Variants in ZNF804A observed in about 807,000 individuals in gnomAD.
ZNF804A encodes zinc finger protein 804A.
Under a neutral mutation model 16.5 loss-of-function variants are expected in ZNF804A, and 2 were observed. The observed-to-expected ratio is 0.12, with a 90% CI of 0.05 to 0.38. The LOEUF (loss-of-function observed/expected upper bound fraction) is 0.38, where lower values mean the gene tolerates loss of function less well. ZNF804A is among the 10% of genes least tolerant of loss of function. The pLI is 0.99. For synonymous variants in ZNF804A, 534 were observed against 489.6 expected, an observed-to-expected ratio of 1.09 and a Z score of -1.20; for missense variants, 1,473 against 1,390.7, an observed-to-expected ratio of 1.06 and a Z score of -0.94.
chr2:184,905,708 A>G (rs541529876), intron 2 of ZNF804A, among the ~76,000 whole-genome samples: 4 of 152,282 alleles, frequency 2.6e-5, no homozygotes, highest in African/African-American at 9.6e-5. Context: ...TATGAGTACA[A>G]TGTGTCTACA....
At chr2:184,721,885 C>T (rs930343465) in intron 1 of ZNF804A, among the ~76,000 whole-genome samples, 4 of 151,932 alleles carry the variant, frequency 2.6e-5, no homozygotes, top group African/African-American at 7.3e-5. Context: ...GATATATATA[C>T]ACAATGGAAT....
intron 1 of ZNF804A, among the ~76,000 whole-genome samples, chr2:184,655,526 C>T (rs1291165229): frequency 1.3e-5 from 2 of 152,136 alleles, no homozygotes; most frequent in Non-Finnish European, 2.9e-5. Context: ...TTAGAATTAA[C>T]TTGGGTCTGT....
At chr2:184,927,142 T>G (rs1685624823) in intron 2 of ZNF804A, among the ~76,000 whole-genome samples, 1 of 152,246 alleles carries the variant, frequency 6.6e-6, no homozygotes, top group Non-Finnish European at 1.5e-5. Flanking sequence ...TACTTATACT[T>G]TTAGAAGGTT....
Position 184,938,731 on chromosome 2 carries a change from C to T in ZNF804A, c.3335C>T (p.Ala1112Val). 6.2e-7 allele frequency: 1 copy of T among 1,608,004 alleles called. No homozygotes were observed. The highest frequency in any genetic ancestry group is 1.7e-5 in the Admixed American group (1 of 59,594). ...CAGCAGCACGCTGCAGCTGCTGCAG[C>T]TGCAGCTGCAGCCGCAGCTGCAGGA... ...VLQQHAAAAA[A>V]AAAAAAAGTF... Residue 1112 changes from alanine (A) to valine (V), a missense_variant, in exon 4 of 4, where the codon GCT becomes GTT. Coordinates refer to ENST00000302277, the MANE Select transcript of ZNF804A (RefSeq NM_194250.2).
At chr2:184,801,792 C>T (rs889785512) in intron 1 of ZNF804A, among the ~76,000 whole-genome samples, 2 of 152,142 alleles carry the variant, frequency 1.3e-5, no homozygotes, top group African/African-American at 4.8e-5. Context: ...CAGTATACTT[C>T]TGATGCTTGC....
chr2:184,921,733 G>A (rs967233891), intron 2 of ZNF804A, among the ~76,000 whole-genome samples: 26 of 152,018 alleles, frequency 1.7e-4, no homozygotes, highest in African/African-American at 6.0e-4. Context: ...TATTCTAACC[G>A]TACTTTTGTA....
intron 1 of ZNF804A, among the ~76,000 whole-genome samples, chr2:184,851,980 G>A (rs1558982092): frequency 6.6e-6 from 1 of 151,586 alleles, no homozygotes; most frequent in African/African-American, 2.4e-5. Flanking sequence ...GCATTCGTAT[G>A]TCTTCTTCTG....
At chr2:184,845,086 T>A (rs1248059411) in intron 1 of ZNF804A, among the ~76,000 whole-genome samples, 2 of 152,104 alleles carry the variant, frequency 1.3e-5, no homozygotes, top group African/African-American at 2.4e-5. Flanking sequence ...CCTGTCTCTT[T>A]GTTTATATAA....
chr2:184,873,455 T>A (rs1453773821), intron 2 of ZNF804A, among the ~76,000 whole-genome samples: 1 of 152,160 alleles, frequency 6.6e-6, no homozygotes, highest in Admixed American at 6.5e-5. Flanking sequence ...ACCACTGCAT[T>A]CCAGCCTGGG....
At chr2:184,715,540 A>G (rs1242779091) in intron 1 of ZNF804A, among the ~76,000 whole-genome samples, 1 of 151,980 alleles carries the variant, frequency 6.6e-6, no homozygotes, top group Non-Finnish European at 1.5e-5. Context: ...GGCATATGCC[A>G]CCATGCTCAG....
intron 1 of ZNF804A, among the ~76,000 whole-genome samples, chr2:184,605,682 T>C (rs1691134557): frequency 6.6e-6 from 1 of 152,084 alleles, no homozygotes; most frequent in East Asian, 1.9e-4. Context: ...AGGATGTGTA[T>C]AGACTATATG....
chr2:184,888,039 G>T lies in ZNF804A; in HGVS notation c.255+21527G>T, dbSNP rs566672416. 7.2e-5 allele frequency among the ~76,000 whole-genome samples: 11 copies of T among 152,058 alleles called. No individual in the cohort carries two copies. The East Asian group carries it at 2.1e-3, about 29-fold the overall frequency. On this transcript the variant is annotated intron_variant, in intron 2 of 3. Coordinates refer to ENST00000302277, the MANE Select transcript of ZNF804A (RefSeq NM_194250.2). ...ATTGGGTACTATGCTTATTACCTGG[G>T]TTACAAAACAATCTCAATAAGAAAC... is the stretch of plus-strand genomic sequence containing the variant.
intron 1 of ZNF804A, among the ~76,000 whole-genome samples, chr2:184,625,680 G>T (rs1173222343): frequency 2.6e-5 from 4 of 151,982 alleles, no homozygotes; most frequent in Non-Finnish European, 4.4e-5. Flanking sequence ...TTATTTTATA[G>T]TAACAGTTTA....
chr2:184,603,689 G>T (rs1016449620), intron 1 of ZNF804A, among the ~76,000 whole-genome samples: 2 of 152,146 alleles, frequency 1.3e-5, no homozygotes, highest in East Asian at 1.9e-4. Context: ...GAGCTCAGGG[G>T]TGAGGGTGGA....
chr2:184,939,163 T>G lies in ZNF804A; in HGVS notation c.*137T>G. 9.1e-7 allele frequency: 1 copy of G among 1,097,024 alleles called. No individual in the cohort carries two copies. Among genetic ancestry groups the G allele is most frequent in the South Asian group, 1.6e-5 (1 of 62,558 alleles). 68.0% of individuals were successfully genotyped at this position (1,097,024 alleles called of 1,614,324 possible). ...ACATGGCGTCATTGGTTTGAAATCA[T>G]TTACTGTAAGTGCAATGATGCAAAT... On this transcript the variant is annotated 3_prime_UTR_variant, in exon 4 of 4. Coordinates refer to ENST00000302277, the MANE Select transcript of ZNF804A (RefSeq NM_194250.2).
At chr2:184,709,612 AC>A (rs1693090411) in intron 1 of ZNF804A, among the ~76,000 whole-genome samples, 1 of 151,556 alleles carries the variant, frequency 6.6e-6, no homozygotes, top group Non-Finnish European at 1.5e-5. Context: ...TATCAAAAAA[AC>A]CTCGAGTCTT....
At chr2:184,920,484 T>C (rs1685514005) in intron 2 of ZNF804A, among the ~76,000 whole-genome samples, 1 of 152,196 alleles carries the variant, frequency 6.6e-6, no homozygotes. Context: ...AATGCGGACC[T>C]CTATGGTTAA....
rs1246667017 is a variant in ZNF804A at position 184,830,357 on chromosome 2, A to G, written c.112-36012A>G. Among the ~76,000 whole-genome samples the G allele has an allele frequency of 5.3e-5, 8 of 152,228 alleles. No individual in the cohort carries two copies. The East Asian group carries it at 1.5e-3, about 29-fold the overall frequency. The stretch of plus-strand genomic sequence containing the variant: ...ACAAGTTTTAAAATATTATCAATTA[A>G]TTGTTTACCTTGAGATATAATATGT... On this transcript the variant is annotated intron_variant, in intron 1 of 3. Transcript: ENST00000302277.
intron 1 of ZNF804A, among the ~76,000 whole-genome samples, chr2:184,638,181 A>G (rs1251179387): frequency 6.6e-6 from 1 of 152,186 alleles, no homozygotes; most frequent in Admixed American, 6.5e-5. Flanking sequence ...AGATTTTTCA[A>G]ACTATAACTC....
Sources: allele counts gnomAD v4.1 joint callset (sites outside exome capture counted in the v4.1 genomes callset), GRCh38; gene constraint gnomAD v4.1.1; transcripts MANE v1.5; gene names NCBI Gene and HGNC (gene_info 2026-07-23, HGNC 2026-07-21).